PAMR1: variants seen among roughly 807,000 people sequenced by gnomAD.
PAMR1 encodes inactive serine protease PAMR1.
In PAMR1, 88 loss-of-function variants were observed where a neutral mutation model predicts 81.8. The observed-to-expected ratio is 1.08, with a 90% CI of 0.91 to 1.28. PAMR1 has a LOEUF of 1.28. PAMR1 is among the 50% of genes most tolerant of loss of function. The pLI, the probability that PAMR1 is intolerant of heterozygous loss-of-function variation, is 0.00. For missense variants in PAMR1, 935 were observed against 919.7 expected (o/e 1.02, Z -0.21); for synonymous variants, 336 against 345.3 (o/e 0.97, Z 0.30).
chr11:35,471,827 G>A (rs1850193786), intron 4 of PAMR1, among the ~76,000 whole-genome samples: 1 of 152,140 alleles, frequency 6.6e-6, no homozygotes. Flanking sequence ...GAATACATGA[G>A]TATCAAGTTC....
At chr11:35,503,320 T>C (rs1033277136) in intron 1 of PAMR1, among the ~76,000 whole-genome samples, 1 of 151,928 alleles carries the variant, frequency 6.6e-6, no homozygotes, top group Non-Finnish European at 1.5e-5. Context: ...TTGTTTTGAC[T>C]ATTCAGAATC....
At chr11:35,499,245 G>A (rs370603260) in intron 1 of PAMR1, among the ~76,000 whole-genome samples, 232 of 152,184 alleles carry the variant, frequency 1.5e-3, no homozygotes, top group African/African-American at 5.3e-3. Context: ...ATCTAGACAT[G>A]GGGGTCCAGG....
chr11:35,505,074 A>C (rs1308150081), intron 1 of PAMR1, among the ~76,000 whole-genome samples: 1 of 152,058 alleles, frequency 6.6e-6, no homozygotes, highest in African/African-American at 2.4e-5. Flanking sequence ...TGTTTGAAGA[A>C]ATTTTTAAAT....
intron 6 of PAMR1, among the ~76,000 whole-genome samples, chr11:35,452,774 T>C (rs1856445206): frequency 6.6e-6 from 1 of 152,196 alleles, no homozygotes; most frequent in Non-Finnish European, 1.5e-5. Flanking sequence ...ATTCAGTCTT[T>C]CATGCCTATT....
intron 1 of PAMR1, among the ~76,000 whole-genome samples, 200 bp downstream of exon 1, chr11:35,525,313 A>C (rs1590407917): frequency 6.6e-6 from 1 of 152,036 alleles, no homozygotes; most frequent in South Asian, 2.1e-4. Flanking sequence ...AGTCTCAGGG[A>C]GGGCCACAGG....
intron 3 of PAMR1, among the ~76,000 whole-genome samples, chr11:35,491,501 G>A (rs775660890): frequency 6.6e-6 from 1 of 152,164 alleles, no homozygotes. Flanking sequence ...TGGACTGAAC[G>A]AGAGATTAGA....
intron 6 of PAMR1, among the ~76,000 whole-genome samples, chr11:35,446,993 T>C (rs1021403951): frequency 1.9e-4 from 29 of 152,338 alleles, no homozygotes; most frequent in African/African-American, 6.7e-4. Context: ...TCTAAGAACC[T>C]GTTTTATGAA....
At chr11:35,514,283 A>G (rs377336277) in intron 1 of PAMR1, among the ~76,000 whole-genome samples, 24 of 152,370 alleles carry the variant, frequency 1.6e-4, no homozygotes, top group African/African-American at 5.0e-4. Flanking sequence ...ACAGAAAAAG[A>G]CACAGATGGC....
intron 9 of PAMR1, among the ~76,000 whole-genome samples, chr11:35,435,208 A>G (rs983952891): frequency 6.6e-6 from 1 of 152,218 alleles, no homozygotes; most frequent in Non-Finnish European, 1.5e-5. Context: ...CCTCATAGTC[A>G]TGACCACAAT....
At chr11:35,462,629 A>G (rs1010381673) in intron 6 of PAMR1, among the ~76,000 whole-genome samples, 1 of 152,170 alleles carries the variant, frequency 6.6e-6, no homozygotes, top group African/African-American at 2.4e-5. Flanking sequence ...AAATGGCCGT[A>G]ATGTGGAATC....
At chr11:35,480,836 C>T (rs906017849) in intron 3 of PAMR1, among the ~76,000 whole-genome samples, 1 of 152,028 alleles carries the variant, frequency 6.6e-6, no homozygotes, top group Non-Finnish European at 1.5e-5. Context: ...ATATTTGTTC[C>T]GATATTCTCC....
chr11:35,473,492 T>C (rs1850227286), intron 4 of PAMR1, among the ~76,000 whole-genome samples: 1 of 152,196 alleles, frequency 6.6e-6, no homozygotes, highest in Non-Finnish European at 1.5e-5. Context: ...GACCCAGCCT[T>C]GAGCTCAATG....
At position 35,492,074 on chromosome 11, in the gene PAMR1, C is replaced by A. The variant is rs147748848; in HGVS notation, c.350G>T (p.Arg117Leu). ...GCAGTCTCCTCCGTACCAGCCTGCT[C>A]GGCACTCTGCACAGTAGAACCCCTT... is the stretch of plus-strand genomic sequence containing the variant. Reference protein sequence around the residue: ...YVKGFYCAECRAGWYGGDCMR... With the variant: ...YVKGFYCAECLAGWYGGDCMR... Residue 117 changes from arginine (R) to leucine (L), a missense_variant, in exon 3 of 11, where the codon CGA (arginine) becomes CTA (leucine). Coordinates refer to ENST00000619888, the MANE Select transcript of PAMR1 (RefSeq NM_001001991.3). The A allele has an allele frequency of 4.3e-6, 7 of 1,613,802 alleles. No individual in the cohort carries two copies. The South Asian group carries it at 7.7e-5, about 18-fold the overall frequency.
At chr11:35,439,793 G>A (rs1856127098) in intron 7 of PAMR1, 100 bp from the exon 8 acceptor site, 1 of 977,916 alleles carries the variant, frequency 1.0e-6, no homozygotes, top group Non-Finnish European at 1.6e-6. Flanking sequence ...TGGACACCAG[G>A]TGCCCATTCC....
chr11:35,493,128 G>T (rs184660398), intron 2 of PAMR1, among the ~76,000 whole-genome samples: 17 of 152,120 alleles, frequency 1.1e-4, no homozygotes, highest in African/African-American at 4.1e-4. Context: ...TCCATTCTCA[G>T]ATCCCAAATC....
At chr11:35,530,121 A>G (rs1851440897), upstream of PAMR1, 3 of 152,244 alleles carry the variant, frequency 2.0e-5, no homozygotes, top group Non-Finnish European at 4.4e-5. Flanking sequence ...CTGCAAACCT[A>G]TAAGAGGCAT....
intron 1 of PAMR1, among the ~76,000 whole-genome samples, chr11:35,510,287 C>T (rs1851048202): frequency 6.6e-6 from 1 of 152,108 alleles, no homozygotes; most frequent in Non-Finnish European, 1.5e-5. Flanking sequence ...CCTACATGGA[C>T]TCATCATTAT....
intron 10 of PAMR1, 130 bp downstream of exon 10, chr11:35,434,382 T>C: frequency 1.3e-6 from 1 of 787,046 alleles, no homozygotes; most frequent in South Asian, 1.8e-5. Flanking sequence ...TAATGAACGC[T>C]GCTATATGCG....
At position 35,447,278 on chromosome 11, in the gene PAMR1, C is replaced by T. The variant is rs188500065; in HGVS notation, c.821-5585G>A. Among the ~76,000 whole-genome samples, 437 of 149,868 alleles carry T rather than the reference C, an allele frequency of 2.9e-3. 3 individuals carry two copies. Among genetic ancestry groups the T allele is most frequent in the African/African-American group, 0.01 (412 of 40,776 alleles). On this transcript the variant is annotated intron_variant, in intron 6 of 10. Coordinates refer to ENST00000619888, the MANE Select transcript of PAMR1 (RefSeq NM_001001991.3). ...AGTGCAGTGGTGCGATCTCGGCTCACTGCAAGCTCTGCCTCCCAGGTTCAT... is the reference window on the plus strand; with the variant it reads ...AGTGCAGTGGTGCGATCTCGGCTCATTGCAAGCTCTGCCTCCCAGGTTCAT...
Sources: gnomAD v4.1 joint callset for allele counts (sites outside exome capture counted in the v4.1 genomes callset) on GRCh38, gnomAD v4.1.1 for gene constraint, MANE v1.5 for transcripts, NCBI Gene and HGNC (gene_info 2026-07-23, HGNC 2026-07-21) for gene names.